The following ADCY2 variants were observed in gnomAD, a reference collection of about 807,000 sequenced individuals.
ADCY2 encodes adenylate cyclase type 2.
A neutral mutation model predicts 125.2 loss-of-function variants in ADCY2; 31 were observed. That is an observed-to-expected ratio of 0.25 (90% confidence interval 0.19 to 0.33). The LOEUF (loss-of-function observed/expected upper bound fraction) is 0.33, where lower values mean the gene tolerates loss of function less well. Ranked by LOEUF, ADCY2 falls within the 10% of genes least tolerant of loss-of-function variation. The pLI, the probability that ADCY2 is intolerant of heterozygous loss-of-function variation, is 1.00. For missense variants in ADCY2, 904 were observed against 1,418.2 expected, an observed-to-expected ratio of 0.64 and a Z score of 5.82; for synonymous variants, 512 against 548.4, an observed-to-expected ratio of 0.93 and a Z score of 0.93.
At chr5:7,522,059 A>C (rs1240380721) in intron 3 of ADCY2, among the ~76,000 whole-genome samples, 1 of 152,194 alleles carries the variant, frequency 6.6e-6, no homozygotes, top group East Asian at 1.9e-4. Flanking sequence ...CATGCTAGGA[A>C]CCTGCACCAC....
At chr5:7,441,571 T>A (rs1327741230) in intron 2 of ADCY2, among the ~76,000 whole-genome samples, 1 of 152,166 alleles carries the variant, frequency 6.6e-6, no homozygotes, top group Non-Finnish European at 1.5e-5. Context: ...GTTGCTGTTT[T>A]CCAAGGCATA....
At chr5:7,619,894 G>A (rs1279080718) in intron 3 of ADCY2, among the ~76,000 whole-genome samples, 2 of 152,190 alleles carry the variant, frequency 1.3e-5, no homozygotes, top group Admixed American at 1.3e-4. Context: ...CAGTCACTGA[G>A]CTGAGAAGTA....
chr5:7,629,239 A>C (rs898198622), intron 4 of ADCY2, among the ~76,000 whole-genome samples: 1 of 152,318 alleles, frequency 6.6e-6, no homozygotes, highest in Non-Finnish European at 1.5e-5. Context: ...CTCGCTTCAC[A>C]GCCCCACTCT....
intron 2 of ADCY2, among the ~76,000 whole-genome samples, chr5:7,515,428 G>C (rs1036746027): frequency 6.6e-6 from 1 of 152,164 alleles, no homozygotes; most frequent in Admixed American, 6.5e-5. Context: ...TTTGCAAGGG[G>C]CCAGCTTCTC....
intron 2 of ADCY2, among the ~76,000 whole-genome samples, chr5:7,420,017 C>T (rs772892916): frequency 1.3e-5 from 2 of 152,204 alleles, no homozygotes; most frequent in African/African-American, 4.8e-5. Flanking sequence ...GAGGCTGGCT[C>T]TCAGCCAGGA....
intron 1 of ADCY2, among the ~76,000 whole-genome samples, chr5:7,401,217 G>A (rs1395414653): frequency 6.6e-6 from 1 of 152,194 alleles, no homozygotes; most frequent in East Asian, 1.9e-4. Context: ...CTGTTCCTAG[G>A]TCTTTGTAGC....
intron 20 of ADCY2, among the ~76,000 whole-genome samples, chr5:7,790,630 G>A (rs2126506106): frequency 6.6e-6 from 1 of 152,328 alleles, no homozygotes; most frequent in East Asian, 1.9e-4. Flanking sequence ...ACGAAGAAGT[G>A]TCTGAGACAG....
intron 3 of ADCY2, among the ~76,000 whole-genome samples, chr5:7,576,975 A>G (rs989203499): frequency 1.3e-5 from 2 of 152,232 alleles, no homozygotes; most frequent in Non-Finnish European, 1.5e-5. Flanking sequence ...TTCTTACATC[A>G]TAGCATTGCT....
At chr5:7,754,147 C>T (rs533813602) in intron 15 of ADCY2, among the ~76,000 whole-genome samples, 2 of 152,180 alleles carry the variant, frequency 1.3e-5, no homozygotes, top group South Asian at 2.1e-4. Flanking sequence ...GCATGTCACA[C>T]GAACAGAAAA....
At chr5:7,548,632 G>C (rs139478267) in intron 3 of ADCY2, among the ~76,000 whole-genome samples, 6 of 152,260 alleles carry the variant, frequency 3.9e-5, no homozygotes, top group Non-Finnish European at 8.8e-5. Context: ...TACAATCTCA[G>C]TGTTTGCCAG....
chr5:7,588,653 C>T (rs1043176113), intron 3 of ADCY2, among the ~76,000 whole-genome samples: 1 of 152,224 alleles, frequency 6.6e-6, no homozygotes, highest in African/African-American at 2.4e-5. Context: ...TGTAAATGAG[C>T]ATGGCTCTGT....
chr5:7,575,466 T>G (rs1274016021), intron 3 of ADCY2, among the ~76,000 whole-genome samples: 1 of 152,186 alleles, frequency 6.6e-6, no homozygotes, highest in Admixed American at 6.5e-5. Flanking sequence ...TGCAGTGCTT[T>G]TGCATTCATT....
chr5:7,478,244 C>T (rs1281802433), intron 2 of ADCY2, among the ~76,000 whole-genome samples: 2 of 152,088 alleles, frequency 1.3e-5, no homozygotes, highest in Non-Finnish European at 2.9e-5. Flanking sequence ...CACTCTAGGC[C>T]TAGTTGACCG....
intron 4 of ADCY2, among the ~76,000 whole-genome samples, chr5:7,635,560 G>T (rs986551799): frequency 3.3e-5 from 5 of 152,246 alleles, no homozygotes; most frequent in African/African-American, 1.2e-4. Context: ...TAGAAATCCA[G>T]ATTTGAGTTT....
At chr5:7,597,901 G>A (rs1027989826) in intron 3 of ADCY2, among the ~76,000 whole-genome samples, 1 of 152,142 alleles carries the variant, frequency 6.6e-6, no homozygotes, top group Admixed American at 6.5e-5. Context: ...CCTGTGCTTG[G>A]GGGTGGAAAA....
intron 11 of ADCY2, among the ~76,000 whole-genome samples, chr5:7,716,567 T>G (rs75217054): frequency 0.015 from 2,348 of 152,352 alleles, 35 homozygotes; most frequent in African/African-American, 0.032. Flanking sequence ...CCCAAAAACT[T>G]TAGTTATTCA....
chr5:7,458,676 A>T (rs999773251), intron 2 of ADCY2, among the ~76,000 whole-genome samples: 4 of 152,176 alleles, frequency 2.6e-5, no homozygotes, highest in African/African-American at 9.7e-5. Context: ...AGGGAGTTTG[A>T]TACCATACAA....
intron 4 of ADCY2, among the ~76,000 whole-genome samples, chr5:7,641,903 A>G (rs1410326684): frequency 6.6e-6 from 1 of 152,112 alleles, no homozygotes; most frequent in Non-Finnish European, 1.5e-5. Context: ...TCCATACCAC[A>G]TTTTCTTTAA....
At chr5:7,680,304 A>G (rs895559762) in intron 4 of ADCY2, among the ~76,000 whole-genome samples, 1 of 152,192 alleles carries the variant, frequency 6.6e-6, no homozygotes, top group African/African-American at 2.4e-5. Flanking sequence ...AATATCCTGC[A>G]GTTTGCACGT....
Sources: gnomAD v4.1 joint callset for allele counts (sites outside exome capture counted in the v4.1 genomes callset) on GRCh38, gnomAD v4.1.1 for gene constraint, MANE v1.5 for transcripts, NCBI Gene and HGNC (gene_info 2026-07-23, HGNC 2026-07-21) for gene names.